Variants in LIMS2 observed in about 807,000 individuals in gnomAD.
LIMS2 encodes the protein LIM and senescent cell antigen-like-containing domain protein 2.
In LIMS2, 30 loss-of-function variants were observed where a neutral mutation model predicts 45.3. The ratio of observed to expected loss-of-function variants is 0.66; its 90% CI spans 0.50 to 0.90. The LOEUF (loss-of-function observed/expected upper bound fraction) is 0.90. Among genes scored for constraint, LIMS2 ranks in the 40% least tolerant of loss-of-function variants. The pLI, the probability that LIMS2 is intolerant of heterozygous loss-of-function variation, is 0.00. For missense variants in LIMS2, 485 were observed against 468.7 expected, an observed-to-expected ratio of 1.03 and a Z score of -0.32; for synonymous variants, 173 against 188.0, an observed-to-expected ratio of 0.92 and a Z score of 0.65.
chr2:127,639,598 G>T (rs1682196172), intron 9 of LIMS2, among the ~76,000 whole-genome samples, 170 bp from the exon 10 acceptor site: 1 of 152,106 alleles, frequency 6.6e-6, no homozygotes, highest in Non-Finnish European at 1.5e-5. Flanking sequence ...GATGAGAAGG[G>T]CCTTGAGGCT....
rs893111285 is a variant in LIMS2, at chr2:127,672,649, C to A, written c.11+2365G>T. Reference sequence around the variant, plus strand: ...CACCCGCTCAGCCACCCAGGAGAGGCCTCCCTAGTGGCTGCCTTCTGTCTC... The same window carrying A: ...CACCCGCTCAGCCACCCAGGAGAGGACTCCCTAGTGGCTGCCTTCTGTCTC... On this transcript the variant is annotated intron_variant, in intron 1 of 9. Coordinates refer to ENST00000355119, the MANE Select transcript of LIMS2 (RefSeq NM_001161403.3). The surrounding 1 kb of genome is among the most constrained non-coding windows in gnomAD (Gnocchi z 4.9). Among the ~76,000 whole-genome samples the A allele has an allele frequency of 1.3e-5, 2 of 152,226 alleles. No homozygotes were observed. The highest frequency in any genetic ancestry group is 4.8e-5 in the African/African-American group (2 of 41,462).
rs1685450592 is a variant in LIMS2, at chr2:127,675,117, G to T, written c.-93C>A. Reference sequence around the variant, plus strand: ...CAGCCGAGCGCCCGCCCGCCAGCCCGGGCCGCGGAGCAGGGAGACGCCCAA... The same window carrying T: ...CAGCCGAGCGCCCGCCCGCCAGCCCTGGCCGCGGAGCAGGGAGACGCCCAA... On this transcript the variant is annotated 5_prime_UTR_variant, in exon 1 of 10. Transcript: ENST00000355119. 2.5e-6 allele frequency: 3 copies of T among 1,179,876 alleles called. No individual in the cohort carries two copies. Among genetic ancestry groups the T allele is most frequent in the Admixed American group, 4.3e-5 (1 of 23,416 alleles). The allele number at this position is 1,179,876 out of a possible 1,614,324, so 73.1% of individuals were successfully genotyped here. A position where few individuals can be genotyped will look rare whatever the true frequency, so the allele number is the denominator to read the frequency against.
chr2:127,649,164 G>T (rs187051190), intron 4 of LIMS2, among the ~76,000 whole-genome samples: 13 of 136,100 alleles, frequency 9.6e-5, no homozygotes, highest in Admixed American at 4.4e-4. Flanking sequence ...AGAGAGGAAG[G>T]TAGGAAGGAA....
chr2:127,674,782 G>T, intron 1 of LIMS2: 1 of 985,426 alleles, frequency 1.0e-6, no homozygotes, highest in Non-Finnish European at 1.2e-6. Context: ...CAGCGGGCGG[G>T]TGGGCAGGAG....
chr2:127,639,987 G>C, intron 9 of LIMS2, 83 bp downstream of exon 9: 4 of 1,397,516 alleles, frequency 2.9e-6, no homozygotes, highest in Non-Finnish European at 4.1e-6. Context: ...AGACTCAGCT[G>C]GTGTGCAGGA....
upstream of LIMS2, among the ~76,000 whole-genome samples, chr2:127,679,184 G>C (rs1685563229): frequency 6.6e-6 from 1 of 152,172 alleles, no homozygotes; most frequent in Non-Finnish European, 1.5e-5. The surrounding 1 kb of genome is among the most constrained non-coding windows in gnomAD (Gnocchi z 5.3). Context: ...CTGCAGAGGG[G>C]CAGGCAGGGC....
chr2:127,641,456 T>A (rs1339020520), intron 6 of LIMS2: 2 of 178,072 alleles, frequency 1.1e-5, no homozygotes, highest in Admixed American at 5.5e-5. Context: ...CCCCCAGGGA[T>A]CTGCATGTGA....
chr2:127,640,325 G>A lies in LIMS2; in HGVS notation c.754-7C>T. The A allele has an allele frequency of 1.2e-6, 2 of 1,612,406 alleles. No homozygotes were observed. Among genetic ancestry groups the A allele is most frequent in the Non-Finnish European group, 8.5e-7 (1 of 1,179,846 alleles). ...AGCAGACGTCCCCGAAGAGCTGTGG[G>A]CCGAGCAGGCTGTCAGAGTAGCTGC... On this transcript the variant is annotated splice_polypyrimidine_tract_variant and splice_region_variant and intron_variant, in intron 7 of 9. Transcript: ENST00000355119.
At chr2:127,661,945 A>G (rs1003501526) in intron 1 of LIMS2, among the ~76,000 whole-genome samples, 7 of 152,138 alleles carry the variant, frequency 4.6e-5, no homozygotes, top group Non-Finnish European at 1.0e-4. Context: ...CAACAACCCC[A>G]GACCTTCCTC....
At position 127,672,935 on chromosome 2, in the gene LIMS2, G is replaced by A. The variant is rs1685332915; in HGVS notation, c.11+2079C>T. The stretch of plus-strand genomic sequence containing the variant: ...GAGAACCAGGATCCAGGCACGAGGA[G>A]CTGCCCGGGATCACATGGGAACAGT... On this transcript the variant is annotated intron_variant, in intron 1 of 9. Coordinates refer to ENST00000355119, the MANE Select transcript of LIMS2 (RefSeq NM_001161403.3). This position sits in a 1 kb window ranked among gnomAD's most constrained non-coding sequence, Gnocchi z 4.9. Among the ~76,000 whole-genome samples, 1 of 152,244 alleles carries A rather than the reference G, an allele frequency of 6.6e-6. No homozygotes were observed. Among genetic ancestry groups the A allele is most frequent in the African/African-American group, 2.4e-5 (1 of 41,456 alleles).
chr2:127,668,668 C>CAAAAAAAAAAAAAAAAAAAA (rs70985469), intron 1 of LIMS2, among the ~76,000 whole-genome samples: 2 of 17,268 alleles, frequency 1.2e-4, no homozygotes, highest in East Asian at 2.4e-3. Context: ...GACTCCGTCT[C>CAAAAAAAAAAAAAAAAAAAA]AAAAAAAAAA....
intron 2 of LIMS2, among the ~76,000 whole-genome samples, chr2:127,656,508 G>A (rs1684265561): frequency 6.6e-6 from 1 of 151,268 alleles, no homozygotes; most frequent in Admixed American, 6.6e-5. Context: ...CTGCCTCCCA[G>A]GTTCAAGTGA....
Position 127,642,039 on chromosome 2 carries a change from C to T in LIMS2, c.660+10G>A, listed in dbSNP as rs1384381251. ...CAACCTGAGGCCACGTGTCCACCAG[C>T]CTGGCTCACCTCCACGTGCCACTGC... On this transcript the variant is annotated intron_variant, in intron 6 of 9. Coordinates refer to ENST00000355119, the MANE Select transcript of LIMS2 (RefSeq NM_001161403.3). This position sits in a 1 kb window ranked among gnomAD's most constrained non-coding sequence, Gnocchi z 5.3. 1 of 1,610,436 alleles carries T rather than the reference C, an allele frequency of 6.2e-7. No individual in the cohort carries two copies. The highest frequency in any genetic ancestry group is 1.1e-5 in the South Asian group (1 of 90,404).
At chr2:127,648,157 T>C (rs1472254223) in intron 4 of LIMS2, 4 of 985,194 alleles carry the variant, frequency 4.1e-6, no homozygotes, top group Non-Finnish European at 4.8e-6. Context: ...TCCTGGGGAA[T>C]GGGGTCCCCA....
chr2:127,673,825 G>T (rs375237798), intron 1 of LIMS2: 1 of 1,293,134 alleles, frequency 7.7e-7, no homozygotes, highest in African/African-American at 1.5e-5. Flanking sequence ...AGAACCCTAG[G>T]GGGTGACCAC....
At chr2:127,654,685 G>C in intron 3 of LIMS2, 141 bp from the exon 4 acceptor site, 1 of 1,482,218 alleles carries the variant, frequency 6.7e-7, no homozygotes, top group Non-Finnish European at 9.3e-7. Context: ...TGCCTGTAGG[G>C]GGCCTGACGG....
intron 9 of LIMS2, among the ~76,000 whole-genome samples, chr2:127,639,763 G>T (rs1303438038): frequency 6.6e-6 from 1 of 152,190 alleles, no homozygotes; most frequent in Non-Finnish European, 1.5e-5. Flanking sequence ...TGACACTGCT[G>T]CTTTTGCATA....
intron 2 of LIMS2, among the ~76,000 whole-genome samples, chr2:127,656,944 G>C (rs898521746): frequency 6.6e-6 from 1 of 152,166 alleles, no homozygotes; most frequent in African/African-American, 2.4e-5. Context: ...CCACCACAGG[G>C]TATGTGCATA....
chr2:127,667,527 T>C lies in LIMS2; in HGVS notation c.11+7487A>G, dbSNP rs1462585351. Among the ~76,000 whole-genome samples, 1 of 152,198 alleles carries C rather than the reference T, an allele frequency of 6.6e-6. No individual in the cohort carries two copies. The highest frequency in any genetic ancestry group is 2.4e-5 in the African/African-American group (1 of 41,454). ...CCAAATGGGATTTATCCCAAGAACA[T>C]AGGGTTGGTTTCACATCCAAAATTC... On this transcript the variant is annotated intron_variant, in intron 1 of 9. Transcript: ENST00000355119. This position sits in a 1 kb window ranked among gnomAD's most constrained non-coding sequence, Gnocchi z 4.1.
Sources: gnomAD v4.1 joint callset for allele counts (sites outside exome capture counted in the v4.1 genomes callset) on GRCh38, gnomAD v4.1.1 for gene constraint, Gnocchi (gnomAD v3.1) non-coding constraint, MANE v1.5 for transcripts, NCBI Gene and HGNC (gene_info 2026-07-23, HGNC 2026-07-21) for gene names.